The following TBL1Y variants were observed in gnomAD, a reference collection of about 807,000 sequenced individuals.
TBL1Y encodes F-box-like/WD repeat-containing protein TBL1Y.
In TBL1Y, 15 loss-of-function variants were observed where a neutral mutation model predicts 12.0. The ratio of observed to expected loss-of-function variants is 1.25; its 90% CI spans 0.83 to 1.92. TBL1Y has a LOEUF of 1.92. Ranked by LOEUF, TBL1Y falls within the 40% of genes most tolerant of loss-of-function variation. TBL1Y has a pLI of 0.00. For synonymous variants in TBL1Y, 53 were observed against 42.6 expected (o/e 1.24, Z -0.95); for missense variants, 148 against 116.7 (o/e 1.27, Z -1.24).
intron 2 of TBL1Y, among the ~76,000 whole-genome samples, chrY:6,974,792 G>A: frequency 6.0e-5 from 2 of 33,500 alleles, no homozygotes; most frequent in African/African-American, 2.3e-4. Flanking sequence ...GAAAGATTGG[G>A]TAGTACAGCA....
intron 2 of TBL1Y, among the ~76,000 whole-genome samples, chrY:6,959,585 G>A (rs1057351811): frequency 3.0e-5 from 1 of 33,555 alleles, no homozygotes; most frequent in African/African-American, 1.2e-4. Context: ...TTTAACCCAA[G>A]TGACAGGGTT....
Position 7,063,884 on chromosome Y carries a change from C to A in TBL1Y, c.205-13C>A, listed in dbSNP as rs1403600156. On this transcript the variant is annotated splice_polypyrimidine_tract_variant and intron_variant, in intron 7 of 18. Coordinates refer to ENST00000383032, the MANE Select transcript of TBL1Y (RefSeq NM_033284.2). ...TTGTGAGCTGATGGCTGTCCCTTGG[C>A]TTGCTTCCCCAGGATGGCACAGTGT... is the stretch of plus-strand genomic sequence containing the variant. The A allele has an allele frequency of 2.5e-6, 1 of 395,527 alleles. No homozygotes were observed. The highest frequency in any genetic ancestry group is 3.5e-6 in the Non-Finnish European group (1 of 282,751).
chrY:6,952,504 C>CT (rs2012037169), intron 2 of TBL1Y, among the ~76,000 whole-genome samples: 2 of 32,547 alleles, frequency 6.1e-5, no homozygotes, highest in African/African-American at 1.2e-4. Flanking sequence ...GCAATCCCTT[C>CT]TTTTTTTTGT....
intron 2 of TBL1Y, among the ~76,000 whole-genome samples, chrY:6,955,451 G>A: frequency 5.9e-5 from 2 of 33,766 alleles, no homozygotes; most frequent in Non-Finnish European, 7.3e-5. Flanking sequence ...GTGATTATTC[G>A]GACAGTAGGG....
chrY:7,034,804 C>CA (rs2012678348), intron 6 of TBL1Y, among the ~76,000 whole-genome samples: 1 of 33,525 alleles, frequency 3.0e-5, no homozygotes, highest in East Asian at 7.8e-4. Context: ...ACACATTATA[C>CA]AAAAATTAAT....
intron 6 of TBL1Y, 78 bp from the exon 7 acceptor site, chrY:7,042,902 A>G: frequency 1.8e-5 from 7 of 396,357 alleles, no homozygotes; most frequent in Non-Finnish European, 2.5e-5. Context: ...TCTGCAGGCC[A>G]CTTTCAGATC....
At chrY:7,018,911 C>T in intron 4 of TBL1Y, among the ~76,000 whole-genome samples, 1 of 33,408 alleles carries the variant, frequency 3.0e-5, no homozygotes, top group Non-Finnish European at 7.4e-5. Context: ...GCACCACAAA[C>T]TCTATTCTTA....
At chrY:7,028,763 C>G in intron 6 of TBL1Y, among the ~76,000 whole-genome samples, 1 of 33,359 alleles carries the variant, frequency 3.0e-5, no homozygotes, top group African/African-American at 1.2e-4. Context: ...GATCCATTGC[C>G]TGGTCACTTG....
chrY:7,023,896 C>T, intron 5 of TBL1Y, among the ~76,000 whole-genome samples: 2 of 32,930 alleles, frequency 6.1e-5, no homozygotes, highest in South Asian at 1.4e-3. Context: ...CTAATGTTCT[C>T]CCTCCCCACT....
chrY:7,086,417 G>A lies in TBL1Y; in HGVS notation c.1280G>A (p.Ser427Asn). Residue 427 changes from serine to asparagine, a missense_variant and splice_region_variant, in exon 16 of 19, where the codon AGT (serine) becomes AAT (asparagine). Ser to Asn is a conservative substitution (Grantham distance 46). Transcript: ENST00000383032. ...SNPNSSIMLA[S>N]ASFDSTVRLW... ...CCAAACTCCAGCATCATGTTGGCAA[G>A]GTAAGGGCCGGCAGCACAACTGGTA... is the stretch of plus-strand genomic sequence containing the variant. 2.6e-6 allele frequency: 1 copy of A among 379,302 alleles called. No individual in the cohort carries two copies. Among genetic ancestry groups the A allele is most frequent in the Non-Finnish European group, 3.7e-6 (1 of 271,883 alleles). The allele number at this position is 379,302 out of a possible 400,897, so 94.6% of individuals were successfully genotyped here. A position where few individuals can be genotyped will look rare whatever the true frequency, so the allele number is the denominator to read the frequency against.
At chrY:7,087,998 G>A in intron 17 of TBL1Y, among the ~76,000 whole-genome samples, 1 of 32,903 alleles carries the variant, frequency 3.0e-5, no homozygotes, top group Non-Finnish European at 7.4e-5. Context: ...TTCTGTTTGA[G>A]TAAGTAAGGT....
intron 2 of TBL1Y, among the ~76,000 whole-genome samples, chrY:6,936,642 C>T (rs765980150): frequency 1.8e-4 from 6 of 33,570 alleles, no homozygotes; most frequent in African/African-American, 7.0e-4. Context: ...TTTAAGTTAG[C>T]GTGGACCCTT....
At chrY:6,914,231 A>C in intron 2 of TBL1Y, among the ~76,000 whole-genome samples, 1 of 32,729 alleles carries the variant, frequency 3.1e-5, no homozygotes, top group African/African-American at 1.2e-4. Context: ...TTAAAAAATT[A>C]ACTGGGCATC....
At chrY:7,023,490 T>C (rs2012594052) in intron 5 of TBL1Y, among the ~76,000 whole-genome samples, 3 of 32,919 alleles carry the variant, frequency 9.1e-5, no homozygotes, top group African/African-American at 3.6e-4. Context: ...GGTGGGAAAA[T>C]CTGTTGTAAA....
chrY:6,934,727 A>G, intron 2 of TBL1Y, among the ~76,000 whole-genome samples: 2 of 33,498 alleles, frequency 6.0e-5, no homozygotes, highest in African/African-American at 2.3e-4. Flanking sequence ...CTTTTTTGGT[A>G]TATTATTCAT....
At chrY:7,018,220 G>A (rs2012563633) in intron 4 of TBL1Y, among the ~76,000 whole-genome samples, 1 of 33,695 alleles carries the variant, frequency 3.0e-5, no homozygotes, top group Admixed American at 2.7e-4. Flanking sequence ...AAATGAATGT[G>A]GTAGAGGGCT....
intron 6 of TBL1Y, among the ~76,000 whole-genome samples, chrY:7,031,715 G>A: frequency 3.0e-5 from 1 of 33,701 alleles, no homozygotes; most frequent in Non-Finnish European, 7.3e-5. Context: ...AAGCATGTAT[G>A]CATCCATACA....
chrY:6,913,242 A>G, intron 2 of TBL1Y, among the ~76,000 whole-genome samples: 1 of 33,206 alleles, frequency 3.0e-5, no homozygotes, highest in African/African-American at 1.2e-4. Context: ...TTGATACACA[A>G]ATCATCTAAC....
At chrY:6,987,875 C>T in intron 3 of TBL1Y, among the ~76,000 whole-genome samples, 4 of 32,779 alleles carry the variant, frequency 1.2e-4, no homozygotes, top group African/African-American at 4.8e-4. Flanking sequence ...AGATGCTGCT[C>T]GAAGCCCTCA....
Sources: gnomAD v4.1 joint callset for allele counts (sites outside exome capture counted in the v4.1 genomes callset) on GRCh38, gnomAD v4.1.1 for gene constraint, MANE v1.5 for transcripts, NCBI Gene and HGNC (gene_info 2026-07-23, HGNC 2026-07-21) for gene names.